ADCY8: variants seen among roughly 807,000 people sequenced by gnomAD.
ADCY8 encodes adenylate cyclase type 8.
Under a neutral mutation model 119.7 loss-of-function variants are expected in ADCY8, and 51 were observed. The ratio of observed to expected loss-of-function variants is 0.43; its 90% CI spans 0.34 to 0.54. The LOEUF is 0.54. Ranked by LOEUF, ADCY8 falls within the 20% of genes least tolerant of loss-of-function variation. The probability of loss-of-function intolerance (pLI) is 0.03; values close to 1 mark genes in which losing one functional copy is unlikely to be tolerated. For synonymous variants in ADCY8, 665 were observed against 651.0 expected (o/e 1.02, Z -0.33); for missense variants, 1,383 against 1,598.8 (o/e 0.87, Z 2.30).
rs1026378049 is a variant in ADCY8, at chr8:131,000,885, G to T, written c.961-10343C>A. 3.3e-5 allele frequency among the ~76,000 whole-genome samples: 5 copies of T among 152,182 alleles called. No individual in the cohort carries two copies. In the East Asian group the frequency reaches 9.7e-4, roughly 30 times the overall value. Reference sequence around the variant, plus strand: ...GTTGTCTGCAGGCCTTTCCAGCACAGTCTAGAAGACCAGGTTGGCTTCCAG... The same window carrying T: ...GTTGTCTGCAGGCCTTTCCAGCACATTCTAGAAGACCAGGTTGGCTTCCAG... On this transcript the variant is annotated intron_variant, in intron 1 of 17. Coordinates refer to ENST00000286355, the MANE Select transcript of ADCY8 (RefSeq NM_001115.3).
In ADCY8 at chr8:131,030,039, G is replaced by A. The variant is rs1026993199; in HGVS notation, c.960+9335C>T. Among the ~76,000 whole-genome samples the A allele has an allele frequency of 2.0e-5, 3 of 152,162 alleles. No individual in the cohort carries two copies. The South Asian group carries it at 6.2e-4, about 32-fold the overall frequency. ...ACCTCAAGGGGCTCATAGTCTGGTG[G>A]GCATGTGAGAACGTTATGACATTGC... is the stretch of plus-strand genomic sequence containing the variant. On this transcript the variant is annotated intron_variant, in intron 1 of 17. Coordinates refer to ENST00000286355, the MANE Select transcript of ADCY8 (RefSeq NM_001115.3).
chr8:130,954,627 A>G (rs955318498), intron 2 of ADCY8, among the ~76,000 whole-genome samples: 1 of 152,350 alleles, frequency 6.6e-6, no homozygotes, highest in Non-Finnish European at 1.5e-5. Context: ...GCACTTTATT[A>G]TACTCAACCT....
At chr8:130,936,489 C>A (rs1370924630) in intron 5 of ADCY8, among the ~76,000 whole-genome samples, 1 of 152,126 alleles carries the variant, frequency 6.6e-6, no homozygotes, top group African/African-American at 2.4e-5. Flanking sequence ...CTCTTTCCAC[C>A]CCAGGCTTCA....
chr8:131,017,116 C>G (rs1210568809), intron 1 of ADCY8, among the ~76,000 whole-genome samples: 3 of 151,078 alleles, frequency 2.0e-5, no homozygotes, highest in African/African-American at 4.9e-5. Context: ...GTCACTAAGG[C>G]TGGAGTGCAG....
intron 15 of ADCY8, 103 bp from the exon 16 acceptor site, chr8:130,785,578 G>A (rs757763883): frequency 5.6e-5 from 38 of 680,198 alleles, no homozygotes; most frequent in Non-Finnish European, 4.8e-5. Flanking sequence ...ACCTCTGATG[G>A]TTCAATATCC....
intron 2 of ADCY8, among the ~76,000 whole-genome samples, chr8:130,957,374 T>A (rs1821461541): frequency 6.6e-6 from 1 of 152,200 alleles, no homozygotes; most frequent in African/African-American, 2.4e-5. Context: ...AAGAAATTTT[T>A]AAGCAGAAAA....
chr8:130,870,281 G>A (rs1199198823), intron 8 of ADCY8, among the ~76,000 whole-genome samples: 2 of 151,868 alleles, frequency 1.3e-5, no homozygotes, highest in Non-Finnish European at 2.9e-5. Flanking sequence ...TAAAGTGCTG[G>A]GATTACAGGC....
At chr8:130,909,447 C>T (rs746951324) in intron 6 of ADCY8, among the ~76,000 whole-genome samples, 33 of 152,270 alleles carry the variant, frequency 2.2e-4, no homozygotes, top group Admixed American at 6.5e-4. Context: ...TTTGGAGATT[C>T]GAATGTGCAG....
chr8:130,828,182 T>C (rs1816724462), intron 12 of ADCY8, among the ~76,000 whole-genome samples: 2 of 152,202 alleles, frequency 1.3e-5, no homozygotes, highest in South Asian at 4.1e-4. Context: ...CTTTCCTGTC[T>C]GAGACAGCCA....
chr8:130,971,803 T>A (rs1821930906), intron 2 of ADCY8, among the ~76,000 whole-genome samples: 1 of 152,152 alleles, frequency 6.6e-6, no homozygotes, highest in Non-Finnish European at 1.5e-5. Flanking sequence ...GAAGCAATGA[T>A]GATATGACAA....
intron 1 of ADCY8, among the ~76,000 whole-genome samples, chr8:131,013,203 C>A (rs888077784): frequency 1.1e-4 from 17 of 152,172 alleles, no homozygotes; most frequent in African/African-American, 3.9e-4. Context: ...ATGGGACATC[C>A]TGTGGAGACT....
intron 2 of ADCY8, among the ~76,000 whole-genome samples, chr8:130,975,690 C>T: frequency 6.6e-6 from 1 of 152,152 alleles, no homozygotes; most frequent in Admixed American, 6.5e-5. Flanking sequence ...ATTCTTTGCT[C>T]AATTTTATAC....
chr8:130,909,360 T>C (rs1335459500), intron 6 of ADCY8, among the ~76,000 whole-genome samples: 1 of 152,198 alleles, frequency 6.6e-6, no homozygotes, highest in East Asian at 1.9e-4. Flanking sequence ...ACTGAAGAAC[T>C]TAAAATAGAT....
chr8:130,828,997 G>A (rs1381222602), intron 12 of ADCY8, among the ~76,000 whole-genome samples: 3 of 152,118 alleles, frequency 2.0e-5, no homozygotes, highest in African/African-American at 7.2e-5. Context: ...TTTCTTTTTG[G>A]CTGGGGGAGC....
chr8:130,947,294 C>A (rs565961698), intron 3 of ADCY8, among the ~76,000 whole-genome samples: 1 of 152,264 alleles, frequency 6.6e-6, no homozygotes, highest in East Asian at 1.9e-4. Flanking sequence ...GTTCCAATAT[C>A]ATAACTGTGT....
intron 5 of ADCY8, among the ~76,000 whole-genome samples, chr8:130,936,584 A>G (rs553738781): frequency 6.6e-6 from 1 of 152,250 alleles, no homozygotes; most frequent in Admixed American, 6.5e-5. Context: ...GATCCTGTCA[A>G]TGTCCACCCA....
At position 131,039,832 on chromosome 8, in the gene ADCY8, G is replaced by T. The variant is rs1824306361; in HGVS notation, c.502C>A (p.Arg168Ser). ...CCCAAGAAATAGCGCTGGTAGAGGC[G>T]TTCCAAATCCCGAGATTTGAAGGAG... ...RNSFKSRDLE[R>S]LYQRYFLGQR... The change falls in exon 1 of 18, where the codon CGC becomes AGC. Residue 168 changes from arginine (R) to serine (S), a missense_variant. Physicochemically the swap from Arg to Ser is moderately radical, Grantham distance 110. Transcript: ENST00000286355. The T allele has an allele frequency of 1.2e-6, 2 of 1,614,180 alleles. No homozygotes were observed. Among genetic ancestry groups the T allele is most frequent in the Admixed American group, 1.7e-5 (1 of 60,030 alleles).
chr8:130,911,074 G>A (rs371354639), intron 5 of ADCY8, among the ~76,000 whole-genome samples: 14 of 151,984 alleles, frequency 9.2e-5, no homozygotes, highest in East Asian at 3.9e-4. Context: ...ATAATAAGTC[G>A]CCATTAATAT....
chr8:131,038,204 G>A (rs898165106), intron 1 of ADCY8, among the ~76,000 whole-genome samples: 6 of 152,142 alleles, frequency 3.9e-5, no homozygotes, highest in African/African-American at 1.2e-4. Flanking sequence ...ATTTTCAGTG[G>A]GGTCGTGCCT....
Sources: gnomAD v4.1 joint callset for allele counts (sites outside exome capture counted in the v4.1 genomes callset) on GRCh38, gnomAD v4.1.1 for gene constraint, MANE v1.5 for transcripts, NCBI Gene and HGNC (gene_info 2026-07-23, HGNC 2026-07-21) for gene names.